EPHB1: variants seen among roughly 807,000 people sequenced by gnomAD.
EPHB1 encodes ephrin type-B receptor 1.
Under a neutral mutation model 94.4 loss-of-function variants are expected in EPHB1, and 30 were observed. That is an observed-to-expected ratio of 0.32 (90% CI 0.24 to 0.43). The LOEUF (loss-of-function observed/expected upper bound fraction) is 0.43. Among genes scored for constraint, EPHB1 ranks in the 20% least tolerant of loss-of-function variants. EPHB1 has a pLI of 1.00. For synonymous variants in EPHB1, 522 were observed against 489.1 expected, an observed-to-expected ratio of 1.07 and a Z score of -0.89; for missense variants, 1,055 against 1,308.3, an observed-to-expected ratio of 0.81 and a Z score of 2.99.
chr3:135,005,022 G>A (rs896552880), intron 3 of EPHB1, among the ~76,000 whole-genome samples: 5 of 152,234 alleles, frequency 3.3e-5, no homozygotes, highest in African/African-American at 1.2e-4. Context: ...TCCTTTGCAG[G>A]AGGAGAGGCG....
rs2035805469 is a variant in EPHB1 at position 134,795,558 on chromosome 3, G to T, written c.-74G>T. 6 of 1,442,912 alleles carry T rather than the reference G, an allele frequency of 4.2e-6. No individual in the cohort carries two copies. The South Asian group carries it at 4.8e-5, about 11-fold the overall frequency. The allele number at this position is 1,442,912 out of a possible 1,614,324, so 89.4% of individuals were successfully genotyped here. On this transcript the variant is annotated 5_prime_UTR_variant, in exon 1 of 16. Transcript: ENST00000398015. ...AGAAGCCACCCGCGGAGAGCGCAGC[G>T]GCGCCCTGGGACGCGGCGCTCTCCC... is the stretch of plus-strand genomic sequence containing the variant.
rs116764307 is a variant in EPHB1 at position 135,166,542 on chromosome 3, T to A, written c.1695-400T>A. Among the ~76,000 whole-genome samples the A allele has an allele frequency of 2.0e-3, 312 of 152,338 alleles. 1 individual carries two copies. The highest frequency in any genetic ancestry group is 7.2e-3 in the African/African-American group (299 of 41,568). ...TGGCCCCGAAAGCCTTGTGATTTTT[T>A]AATACTGCTGCTACTGCCTTCAGTG... On this transcript the variant is annotated intron_variant, in intron 8 of 15. Transcript: ENST00000398015.
chr3:134,864,501 G>A (rs1286690505), intron 1 of EPHB1, among the ~76,000 whole-genome samples: 1 of 152,006 alleles, frequency 6.6e-6, no homozygotes, highest in African/African-American at 2.4e-5. Context: ...CTCTCATTCT[G>A]TTTTGCCCTG....
chr3:135,013,962 CTACCCACAA>C (rs1432889893), intron 3 of EPHB1, among the ~76,000 whole-genome samples: 6 of 152,194 alleles, frequency 3.9e-5, no homozygotes, highest in Non-Finnish European at 5.9e-5. Flanking sequence ...GGTGGAAACA[CTACCCACAA>C]TCCAAATGTT....
intron 4 of EPHB1, among the ~76,000 whole-genome samples, chr3:135,113,862 C>T (rs1377925831): frequency 1.3e-5 from 2 of 152,216 alleles, no homozygotes; most frequent in South Asian, 2.1e-4. Flanking sequence ...TCCTGGCTGG[C>T]CTTTTCTGAA....
At chr3:134,817,765 A>G (rs1175068187) in intron 1 of EPHB1, among the ~76,000 whole-genome samples, 1 of 152,224 alleles carries the variant, frequency 6.6e-6, no homozygotes, top group Non-Finnish European at 1.5e-5. Context: ...TGGAAACACA[A>G]GCTGTTCTTA....
intron 3 of EPHB1, among the ~76,000 whole-genome samples, chr3:135,103,364 T>C (rs1221350802): frequency 2.0e-5 from 3 of 152,166 alleles, no homozygotes; most frequent in African/African-American, 7.2e-5. Flanking sequence ...CATTCTTCCA[T>C]TGGGTTCCAG....
chr3:134,828,202 G>A (rs1437964459), intron 1 of EPHB1, among the ~76,000 whole-genome samples: 3 of 152,148 alleles, frequency 2.0e-5, no homozygotes, highest in Non-Finnish European at 2.9e-5. Flanking sequence ...CACGTGTTTG[G>A]CATTTGGGGC....
chr3:134,888,912 A>AG (rs2037912276), intron 1 of EPHB1, among the ~76,000 whole-genome samples: 2 of 134,942 alleles, frequency 1.5e-5, no homozygotes, highest in South Asian at 2.7e-4. Flanking sequence ...CTGGAAGGGG[A>AG]GGGGGGCCCT....
intron 1 of EPHB1, among the ~76,000 whole-genome samples, chr3:134,839,788 G>A (rs1022226906): frequency 6.6e-6 from 1 of 152,188 alleles, no homozygotes; most frequent in Non-Finnish European, 1.5e-5. Flanking sequence ...ATAGATGATG[G>A]TACCTTTTTG....
At chr3:134,837,781 T>C (rs971602608) in intron 1 of EPHB1, among the ~76,000 whole-genome samples, 5 of 152,090 alleles carry the variant, frequency 3.3e-5, no homozygotes, top group East Asian at 1.9e-4. Flanking sequence ...TGGGGGCTAT[T>C]TGGTGGAATT....
intron 1 of EPHB1, among the ~76,000 whole-genome samples, chr3:134,811,302 G>A (rs112313577): frequency 0.13 from 17,222 of 129,096 alleles, 1,095 homozygotes; most frequent in Middle Eastern, 0.26. Flanking sequence ...GCAATGGTGC[G>A]ATCTCAGCTC....
intron 1 of EPHB1, among the ~76,000 whole-genome samples, chr3:134,803,644 C>A (rs562348898): frequency 5.1e-4 from 77 of 152,314 alleles, no homozygotes; most frequent in African/African-American, 1.8e-3. Flanking sequence ...TATTGGTCCC[C>A]ATATCCTTTG....
intron 3 of EPHB1, among the ~76,000 whole-genome samples, chr3:135,081,375 C>CT (rs1302794585): frequency 3.3e-5 from 5 of 152,126 alleles, no homozygotes; most frequent in Admixed American, 2.6e-4. Flanking sequence ...ATCAGATTTG[C>CT]TAAAGGGGCT....
chr3:134,882,173 CA>C (rs1393893070), intron 1 of EPHB1, among the ~76,000 whole-genome samples: 2 of 152,184 alleles, frequency 1.3e-5, no homozygotes, highest in East Asian at 1.9e-4. Flanking sequence ...TAATCATAGC[CA>C]GGGGTGAATC....
intron 1 of EPHB1, among the ~76,000 whole-genome samples, chr3:134,857,834 G>A (rs1175254431): frequency 6.6e-6 from 1 of 152,190 alleles, no homozygotes; most frequent in Non-Finnish European, 1.5e-5. Flanking sequence ...TCTACAGGGA[G>A]AGGGATGTGC....
chr3:135,072,076 T>TA (rs919173273), intron 3 of EPHB1, among the ~76,000 whole-genome samples: 4 of 152,084 alleles, frequency 2.6e-5, no homozygotes, highest in African/African-American at 9.6e-5. Flanking sequence ...ATGAATGGCT[T>TA]AAAAAATGCA....
intron 15 of EPHB1, among the ~76,000 whole-genome samples, chr3:135,251,575 AGGTAAAAGAT>A (rs1259969690): frequency 1.3e-5 from 2 of 152,258 alleles, no homozygotes; most frequent in African/African-American, 4.8e-5. Context: ...GTTTCTTGAG[AGGTAAAAGAT>A]GGAAAAAGAA....
chr3:135,188,121 CGTG>C (rs1942374909), intron 10 of EPHB1, among the ~76,000 whole-genome samples: 6 of 151,222 alleles, frequency 4.0e-5, no homozygotes, highest in East Asian at 3.9e-4. Context: ...ATCTCTTGAA[CGTG>C]GGAAGTGGAG....
Sources: gnomAD v4.1 joint callset for allele counts (sites outside exome capture counted in the v4.1 genomes callset) on GRCh38, gnomAD v4.1.1 for gene constraint, MANE v1.5 for transcripts, NCBI Gene and HGNC (gene_info 2026-07-23, HGNC 2026-07-21) for gene names.